GCH1: variants seen among roughly 807,000 people sequenced by gnomAD.
GCH1 encodes GTP cyclohydrolase 1.
Under a neutral mutation model 25.9 loss-of-function variants are expected in GCH1, and 5 were observed. That is an observed-to-expected ratio of 0.19 (90% CI 0.10 to 0.41). The LOEUF (loss-of-function observed/expected upper bound fraction) is 0.41, where lower values mean the gene tolerates loss of function less well. Among genes scored for constraint, GCH1 ranks in the 10% least tolerant of loss-of-function variants. The pLI, the probability that GCH1 is intolerant of heterozygous loss-of-function variation, is 1.00. For missense variants in GCH1, 261 were observed against 336.5 expected, an observed-to-expected ratio of 0.78 and a Z score of 1.75; for synonymous variants, 159 against 129.6, an observed-to-expected ratio of 1.23 and a Z score of -1.54.
chr14:54,888,833 G>A (rs1434660688), intron 1 of GCH1, among the ~76,000 whole-genome samples: 1 of 152,040 alleles, frequency 6.6e-6, no homozygotes, highest in Admixed American at 6.6e-5. Flanking sequence ...TATACAACTA[G>A]TTTAAGAAAT....
chr14:54,902,255 G>T, intron 1 of GCH1, 66 bp downstream of exon 1: 1 of 1,538,238 alleles, frequency 6.5e-7, no homozygotes. Context: ...CCTGGAGCCG[G>T]CGCGCGTTTC....
At position 54,897,580 on chromosome 14, in the gene GCH1, C is replaced by T. The variant is rs549309211; in HGVS notation, c.343+4741G>A. Among the ~76,000 whole-genome samples the T allele has an allele frequency of 5.9e-5, 9 of 152,176 alleles. No individual in the cohort carries two copies. The South Asian group carries it at 6.2e-4, about 11-fold the overall frequency. On this transcript the variant is annotated intron_variant, in intron 1 of 5. Coordinates refer to ENST00000491895, the MANE Select transcript of GCH1 (RefSeq NM_000161.3). ...CTGGGATTACAGGCGTGAGCCACCG[C>T]GCCCGGCTACTCCACTTTTTTTTTT...
intron 2 of GCH1, among the ~76,000 whole-genome samples, chr14:54,863,499 C>CAAAAA (rs1209956263): frequency 5.6e-5 from 1 of 17,894 alleles, no homozygotes; most frequent in African/African-American, 2.1e-4. Flanking sequence ...TTTGTAATAG[C>CAAAAA]AAAAAAAAAA....
chr14:54,861,786 T>G (rs1031929588), intron 2 of GCH1, among the ~76,000 whole-genome samples: 1 of 151,432 alleles, frequency 6.6e-6, no homozygotes, highest in Non-Finnish European at 1.5e-5. Context: ...ACACAAACAC[T>G]GAGGAAGTAA....
rs1267465755 is a variant in GCH1, at chr14:54,843,199, T to A, written c.*818A>T. 3 of 1,452,474 alleles carry A rather than the reference T, an allele frequency of 2.1e-6. No individual in the cohort carries two copies. The highest frequency in any genetic ancestry group is 2.7e-6 in the Non-Finnish European group (3 of 1,107,546). The allele number at this position is 1,452,474 out of a possible 1,614,324, so 90.0% of individuals were successfully genotyped here. On this transcript the variant is annotated 3_prime_UTR_variant, in exon 6 of 6. Transcript: ENST00000491895. ...CTCAATAAACCTATAAAGTTAAAAC[T>A]GAGCTGACTAGTTATTTGCAGTGTG... is the stretch of plus-strand genomic sequence containing the variant.
In GCH1 at chr14:54,843,988, GC is replaced by G. The variant is rs763623736; in HGVS notation, c.*28del. The G allele has an allele frequency of 2.5e-6, 4 of 1,614,050 alleles. No homozygotes were observed. The Admixed American group carries it at 5.0e-5, about 20-fold the overall frequency. On this transcript the variant is annotated 3_prime_UTR_variant, in exon 6 of 6. Coordinates refer to ENST00000491895, the MANE Select transcript of GCH1 (RefSeq NM_000161.3). ...GACAATGCTACTGGCAGTACGATCG[GC>G]AACCAACGCACACACACTGAATGAA...
At chr14:54,896,606 T>C (rs2040486313) in intron 1 of GCH1, among the ~76,000 whole-genome samples, 1 of 152,054 alleles carries the variant, frequency 6.6e-6, no homozygotes, top group Non-Finnish European at 1.5e-5. Context: ...CAATTATGCC[T>C]ATAAAACCTA....
chr14:54,887,352 A>G (rs188941756), intron 1 of GCH1, among the ~76,000 whole-genome samples: 6 of 152,328 alleles, frequency 3.9e-5, no homozygotes, highest in Admixed American at 3.9e-4. Context: ...TTTTCCAGGA[A>G]TTTAGTGAGG....
chr14:54,843,584 A>G lies in GCH1; in HGVS notation c.*433T>C. On this transcript the variant is annotated 3_prime_UTR_variant, in exon 6 of 6. Coordinates refer to ENST00000491895, the MANE Select transcript of GCH1 (RefSeq NM_000161.3). ...AATTCACAGAGCAATACCGCACTAA[A>G]TATTTTAGCACTTTCGGCACTACAC... The G allele has an allele frequency of 7.0e-7, 1 of 1,428,988 alleles. No individual in the cohort carries two copies. The highest frequency in any genetic ancestry group is 1.6e-5 in the South Asian group (1 of 64,124). 88.5% of individuals were successfully genotyped at this position (1,428,988 alleles called of 1,614,324 possible). A position where few individuals can be genotyped will look rare whatever the true frequency, so the allele number is the denominator to read the frequency against.
At chr14:54,875,938 G>A (rs2040152965) in intron 1 of GCH1, among the ~76,000 whole-genome samples, 2 of 152,206 alleles carry the variant, frequency 1.3e-5, no homozygotes. Flanking sequence ...AGTCAGTGTG[G>A]CGATTCCTCA....
chr14:54,873,886 TG>T (rs747359450), intron 1 of GCH1, among the ~76,000 whole-genome samples: 4 of 152,290 alleles, frequency 2.6e-5, no homozygotes, highest in South Asian at 4.1e-4. Context: ...CAGGACCAGA[TG>T]GATTCACAGC....
chr14:54,873,573 A>C (rs2040112876), intron 1 of GCH1, among the ~76,000 whole-genome samples: 2 of 152,208 alleles, frequency 1.3e-5, no homozygotes, highest in Admixed American at 6.5e-5. Flanking sequence ...TTTTGAAAAG[A>C]TCAATAAAAT....
intron 1 of GCH1, among the ~76,000 whole-genome samples, chr14:54,879,624 T>A (rs2040214837): frequency 6.6e-6 from 1 of 152,072 alleles, no homozygotes; most frequent in Non-Finnish European, 1.5e-5. Flanking sequence ...AGCAGAAGGA[T>A]ATGTAGAGTA....
At chr14:54,896,794 C>T (rs941599505) in intron 1 of GCH1, among the ~76,000 whole-genome samples, 10 of 151,198 alleles carry the variant, frequency 6.6e-5, no homozygotes, top group Non-Finnish European at 1.3e-4. Context: ...GTAGCGGGCG[C>T]CTGTAATCCC....
intron 1 of GCH1, among the ~76,000 whole-genome samples, chr14:54,900,845 TCACACACA>T (rs3221690): frequency 0.12 from 16,669 of 144,666 alleles, 1,022 homozygotes; most frequent in African/African-American, 0.16. Context: ...GTGAAATATC[TCACACACA>T]CACACACACA....
intron 1 of GCH1, among the ~76,000 whole-genome samples, chr14:54,886,439 CG>C (rs2040353482): frequency 1.3e-5 from 2 of 151,250 alleles, no homozygotes; most frequent in African/African-American, 4.9e-5. Flanking sequence ...AGTGAAACCC[CG>C]TCTCTACTAA....
At chr14:54,863,947 C>A (rs1472293901) in intron 2 of GCH1, among the ~76,000 whole-genome samples, 1 of 152,124 alleles carries the variant, frequency 6.6e-6, no homozygotes, top group Non-Finnish European at 1.5e-5. Flanking sequence ...CAACCCCTGC[C>A]TCTTGGACTC....
chr14:54,842,843 A>T lies in GCH1; in HGVS notation c.*1174T>A. 1 of 417,242 alleles carries T rather than the reference A, an allele frequency of 2.4e-6. No individual in the cohort carries two copies. 25.8% of individuals were successfully genotyped at this position (417,242 alleles called of 1,614,324 possible). On this transcript the variant is annotated 3_prime_UTR_variant, in exon 6 of 6. Transcript: ENST00000491895. ...CATTAATAAGGCAACAGCTTCCAGGATTAAAATACCTATACCATCTATACG... is the reference window on the plus strand; with the variant it reads ...CATTAATAAGGCAACAGCTTCCAGGTTTAAAATACCTATACCATCTATACG...
intron 1 of GCH1, among the ~76,000 whole-genome samples, chr14:54,877,697 G>A (rs186658893): frequency 4.6e-5 from 7 of 152,110 alleles, no homozygotes; most frequent in African/African-American, 1.4e-4. Flanking sequence ...GTTTCGTCAT[G>A]TTGCCCAGGC....
Sources: gnomAD v4.1 joint callset for allele counts (sites outside exome capture counted in the v4.1 genomes callset) on GRCh38, gnomAD v4.1.1 for gene constraint, MANE v1.5 for transcripts, NCBI Gene and HGNC (gene_info 2026-07-23, HGNC 2026-07-21) for gene names.